The following CCSER2 variants were observed in gnomAD, a reference collection of about 807,000 sequenced individuals.
The protein encoded by CCSER2 is serine-rich coiled-coil domain-containing protein 2.
CCSER2 carries 46 observed loss-of-function variants against 92.3 expected under a neutral mutation model. That is an observed-to-expected ratio of 0.50 (90% CI 0.39 to 0.64). The LOEUF is 0.64. CCSER2 is among the 30% of genes least tolerant of loss of function. The pLI is 0.00. For synonymous variants in CCSER2, 433 were observed against 431.4 expected, an observed-to-expected ratio of 1.00 and a Z score of -0.04; for missense variants, 1,244 against 1,238.9, an observed-to-expected ratio of 1.00 and a Z score of -0.06.
At chr10:84,349,625 C>T (rs1344505645) in intron 1 of CCSER2, among the ~76,000 whole-genome samples, 1 of 152,140 alleles carries the variant, frequency 6.6e-6, no homozygotes, top group South Asian at 2.1e-4. Context: ...GAGGCTGCAG[C>T]GAACTATGAT....
intron 3 of CCSER2, among the ~76,000 whole-genome samples, chr10:84,410,312 T>G (rs999957628): frequency 6.6e-6 from 1 of 152,246 alleles, no homozygotes; most frequent in Non-Finnish European, 1.5e-5. Flanking sequence ...ATGGCATGTC[T>G]GCCCCTAGGT....
intron 3 of CCSER2, among the ~76,000 whole-genome samples, chr10:84,385,034 C>CACACACACACACACACACA (rs61236890): frequency 2.0e-5 from 3 of 151,426 alleles, no homozygotes; most frequent in African/African-American, 7.3e-5. Context: ...CACACACACA[C>CACACACACACACACACACA]CCAGGAATAC....
At position 84,515,117 on chromosome 10, in the gene CCSER2, T is replaced by G. The variant is rs973824930; in HGVS notation, c.*850T>G. 2 of 152,660 alleles carry G rather than the reference T, an allele frequency of 1.3e-5. No individual in the cohort carries two copies. The highest frequency in any genetic ancestry group is 2.9e-5 in the Non-Finnish European group (2 of 68,040). 9.5% of individuals were successfully genotyped at this position (152,660 alleles called of 1,614,324 possible). A position where few individuals can be genotyped will look rare whatever the true frequency, so the allele number is the denominator to read the frequency against. Reference sequence around the variant, plus strand: ...TAGAGTTTTGCTGGTAATTCAGGCTTGAACCCTTAGGCTTGTGGATCCATG... The same window carrying G: ...TAGAGTTTTGCTGGTAATTCAGGCTGGAACCCTTAGGCTTGTGGATCCATG... On this transcript the variant is annotated 3_prime_UTR_variant, in exon 10 of 10. Coordinates refer to ENST00000372088, the MANE Select transcript of CCSER2 (RefSeq NM_001284240.2).
intron 7 of CCSER2, among the ~76,000 whole-genome samples, chr10:84,465,182 A>T (rs1034802457): frequency 1.5e-4 from 23 of 151,666 alleles, no homozygotes. Context: ...TTAGAAAAAA[A>T]AAAATTGTGA....
chr10:84,415,431 ATTC>A (rs1029163737), intron 3 of CCSER2, among the ~76,000 whole-genome samples: 7 of 152,174 alleles, frequency 4.6e-5, no homozygotes, highest in African/African-American at 7.2e-5. Context: ...GTTTGCTGGC[ATTC>A]TTCTTCAGAC....
chr10:84,394,951 C>T (rs1460234593), intron 3 of CCSER2, among the ~76,000 whole-genome samples: 5 of 151,740 alleles, frequency 3.3e-5, no homozygotes, highest in South Asian at 4.2e-4. Flanking sequence ...AGGCGGGGTG[C>T]GGTGGATCAT....
intron 9 of CCSER2, among the ~76,000 whole-genome samples, chr10:84,506,385 A>T (rs1209837807): frequency 1.3e-5 from 2 of 152,186 alleles, no homozygotes; most frequent in African/African-American, 4.8e-5. Flanking sequence ...TCTAGTTGTA[A>T]TACAGTATTA....
chr10:84,338,836 GA>G (rs948677607), intron 1 of CCSER2, among the ~76,000 whole-genome samples: 1 of 152,106 alleles, frequency 6.6e-6, no homozygotes, highest in African/African-American at 2.4e-5. Context: ...AAACTGTGTT[GA>G]AAGCACATAT....
intron 6 of CCSER2, among the ~76,000 whole-genome samples, chr10:84,455,030 G>T (rs527965817): frequency 6.6e-6 from 1 of 152,130 alleles, no homozygotes; most frequent in African/African-American, 2.4e-5. Flanking sequence ...ATGAGGGGCA[G>T]TTCCCCTGCA....
chr10:84,442,202 T>TAG (rs35597705), intron 6 of CCSER2, among the ~76,000 whole-genome samples: 31,829 of 152,052 alleles, frequency 0.21, 3,571 homozygotes, highest in Admixed American at 0.34. Context: ...GTAAGAAAAG[T>TAG]TGAGATCTCT....
intron 8 of CCSER2, among the ~76,000 whole-genome samples, chr10:84,477,086 G>A (rs1847192146): frequency 6.6e-6 from 1 of 152,074 alleles, no homozygotes; most frequent in African/African-American, 2.4e-5. Context: ...ACAGTTTAGG[G>A]AAATACTGTA....
chr10:84,373,974 T>G (rs996952088), intron 3 of CCSER2, 159 bp downstream of exon 3: 1 of 1,402,950 alleles, frequency 7.1e-7, no homozygotes, highest in Non-Finnish European at 9.5e-7. Flanking sequence ...CTGACTCTAA[T>G]ATGAAATAAA....
At chr10:84,479,519 A>G (rs1847337953) in intron 9 of CCSER2, among the ~76,000 whole-genome samples, 1 of 152,222 alleles carries the variant, frequency 6.6e-6, no homozygotes, top group Non-Finnish European at 1.5e-5. Context: ...TAAGAGGAAG[A>G]AATATAGTAG....
chr10:84,418,089 C>A (rs969855324), intron 4 of CCSER2, among the ~76,000 whole-genome samples: 3 of 152,090 alleles, frequency 2.0e-5, no homozygotes, highest in African/African-American at 7.2e-5. Flanking sequence ...ACATTGTATA[C>A]CATAAAGTAA....
chr10:84,380,307 A>AT (rs1840825280), intron 3 of CCSER2, among the ~76,000 whole-genome samples: 1 of 151,762 alleles, frequency 6.6e-6, no homozygotes, highest in Non-Finnish European at 1.5e-5. Flanking sequence ...TACTTCAGTG[A>AT]TTTTTCAGTT....
intron 9 of CCSER2, among the ~76,000 whole-genome samples, 187 bp downstream of exon 9, chr10:84,477,851 A>G (rs866659030): frequency 6.6e-6 from 1 of 152,082 alleles, no homozygotes; most frequent in Non-Finnish European, 1.5e-5. Context: ...TGTGTGTCTT[A>G]TGTAAGTGAA....
chr10:84,348,061 C>T (rs2133053205), intron 1 of CCSER2, among the ~76,000 whole-genome samples: 1 of 152,296 alleles, frequency 6.6e-6, no homozygotes, highest in African/African-American at 2.4e-5. Flanking sequence ...GGCGGCCGGG[C>T]AGAGGCTGCA....
chr10:84,460,256 A>AT (rs57903884), intron 6 of CCSER2, among the ~76,000 whole-genome samples: 54,601 of 125,474 alleles, frequency 0.44, 13,411 homozygotes, highest in Middle Eastern at 0.6. Flanking sequence ...TGCCCGGCTG[A>AT]TTTTTTTTTT....
intron 9 of CCSER2, among the ~76,000 whole-genome samples, chr10:84,483,260 G>A (rs1847562381): frequency 6.6e-6 from 1 of 152,086 alleles, no homozygotes; most frequent in South Asian, 2.1e-4. Flanking sequence ...AGGCGTGGTG[G>A]TGCATGCCAA....
Sources: allele counts gnomAD v4.1 joint callset (sites outside exome capture counted in the v4.1 genomes callset), GRCh38; gene constraint gnomAD v4.1.1; transcripts MANE v1.5; gene names NCBI Gene and HGNC (gene_info 2026-07-23, HGNC 2026-07-21).